The following TMEM117 variants were observed in gnomAD, a reference collection of about 807,000 sequenced individuals.
TMEM117 encodes the protein transmembrane protein 117.
TMEM117 carries 27 observed loss-of-function variants against 52.4 expected under a neutral mutation model. That is an observed-to-expected ratio of 0.51 (90% CI 0.38 to 0.71). TMEM117 has a LOEUF of 0.71. Ranked by LOEUF, TMEM117 falls within the 30% of genes least tolerant of loss-of-function variation. The probability of loss-of-function intolerance (pLI) is 0.00; values close to 1 mark genes in which losing one functional copy is unlikely to be tolerated. For missense variants in TMEM117, 556 were observed against 630.5 expected, an observed-to-expected ratio of 0.88 and a Z score of 1.26; for synonymous variants, 215 against 206.3, an observed-to-expected ratio of 1.04 and a Z score of -0.36.
At chr12:44,126,547 T>C (rs995722137) in intron 3 of TMEM117, among the ~76,000 whole-genome samples, 19 of 152,228 alleles carry the variant, frequency 1.2e-4, no homozygotes, top group Non-Finnish European at 4.4e-5. Flanking sequence ...TCAGAAATGG[T>C]TTCTGACCTT....
intron 4 of TMEM117, among the ~76,000 whole-genome samples, chr12:44,188,842 A>G (rs868803650): frequency 1.1e-4 from 17 of 152,020 alleles, no homozygotes; most frequent in South Asian, 4.2e-4. Context: ...TTTTCTTCCC[A>G]CTAGAATGTA....
At chr12:43,933,391 CAG>C (rs1944902913) in intron 2 of TMEM117, among the ~76,000 whole-genome samples, 1 of 151,516 alleles carries the variant, frequency 6.6e-6, no homozygotes, top group Admixed American at 6.6e-5. Flanking sequence ...TTAGTAGAGA[CAG>C]GGTTTCACCG....
At chr12:44,311,980 T>A (rs906172669) in intron 6 of TMEM117, among the ~76,000 whole-genome samples, 33 of 150,632 alleles carry the variant, frequency 2.2e-4, no homozygotes, top group Non-Finnish European at 3.5e-4. Flanking sequence ...TCCTCCTCTT[T>A]ACATGCCAGA....
At chr12:44,294,529 A>C (rs987680153) in intron 5 of TMEM117, among the ~76,000 whole-genome samples, 3 of 152,146 alleles carry the variant, frequency 2.0e-5, no homozygotes, top group Non-Finnish European at 4.4e-5. Flanking sequence ...ATTTGTTCTT[A>C]CCATGGATCT....
chr12:43,830,828 A>G, the TMEM117 span, among the ~76,000 whole-genome samples: 2 of 152,150 alleles, frequency 1.3e-5, no homozygotes, highest in Non-Finnish European at 2.9e-5. Context: ...CTAAAAGTGT[A>G]ACATTCATTT....
At chr12:43,860,426 A>G (rs1462003345) in intron 2 of TMEM117, among the ~76,000 whole-genome samples, 1 of 152,220 alleles carries the variant, frequency 6.6e-6, no homozygotes, top group Non-Finnish European at 1.5e-5. Context: ...TGGATAATAA[A>G]CAAATAAATC....
intron 4 of TMEM117, among the ~76,000 whole-genome samples, chr12:44,180,256 CATT>C (rs1051728616): frequency 4.6e-5 from 7 of 151,856 alleles, no homozygotes; most frequent in African/African-American, 7.2e-5. Context: ...TCATCATCAT[CATT>C]AATATTCCCT....
At chr12:43,910,153 A>C (rs1489476329) in intron 2 of TMEM117, among the ~76,000 whole-genome samples, 4 of 144,872 alleles carry the variant, frequency 2.8e-5, no homozygotes, top group Non-Finnish European at 6.1e-5. Flanking sequence ...ACCATGATCA[A>C]GTGGGCTTCA....
rs187550035 is a variant in TMEM117, at chr12:44,285,626, T to C, written c.609-13954T>C. 7.9e-5 allele frequency among the ~76,000 whole-genome samples: 12 copies of C among 152,346 alleles called. No homozygotes were observed. The East Asian group carries it at 2.3e-3, about 29-fold the overall frequency. On this transcript the variant is annotated intron_variant, in intron 5 of 7. Coordinates refer to ENST00000266534, the MANE Select transcript of TMEM117 (RefSeq NM_032256.3). ...CTTCCCTACTTCCTAAAGAGCAACG[T>C]TGACCTCATCAGCTGGGCTTCAGGG...
intron 2 of TMEM117, among the ~76,000 whole-genome samples, chr12:43,933,198 A>T (rs1410202200): frequency 6.6e-6 from 1 of 151,684 alleles, no homozygotes; most frequent in African/African-American, 2.4e-5. Flanking sequence ...TGGTAGTAAT[A>T]TTAACTTTTT....
chr12:44,152,319 A>AATT (rs1565850445), intron 4 of TMEM117, among the ~76,000 whole-genome samples: 1 of 104,908 alleles, frequency 9.5e-6, no homozygotes, highest in African/African-American at 4.4e-5. Context: ...TAATCATATC[A>AATT]TATAAATATA....
At chr12:44,201,773 A>G (rs1009845296) in intron 4 of TMEM117, among the ~76,000 whole-genome samples, 1 of 152,202 alleles carries the variant, frequency 6.6e-6, no homozygotes, top group Non-Finnish European at 1.5e-5. Flanking sequence ...GTTGTAGGCT[A>G]TATCGTTGTC....
At chr12:44,171,757 A>G (rs1036144705) in intron 4 of TMEM117, among the ~76,000 whole-genome samples, 1 of 152,186 alleles carries the variant, frequency 6.6e-6, no homozygotes, top group Non-Finnish European at 1.5e-5. Context: ...ACTGATTACC[A>G]TAATAGGAAA....
At chr12:44,233,263 C>T (rs1472626816) in intron 5 of TMEM117, among the ~76,000 whole-genome samples, 2 of 151,322 alleles carry the variant, frequency 1.3e-5, no homozygotes, top group East Asian at 3.9e-4. Context: ...AATGTTGTCT[C>T]CATTTCTAGT....
chr12:44,140,811 C>CTAT (rs1948560251), intron 3 of TMEM117, among the ~76,000 whole-genome samples: 1 of 152,032 alleles, frequency 6.6e-6, no homozygotes, highest in Non-Finnish European at 1.5e-5. Context: ...GTTCTGAACT[C>CTAT]TAATAGAGTC....
chr12:44,315,907 GT>G (rs1373326093), intron 6 of TMEM117, among the ~76,000 whole-genome samples: 2 of 151,740 alleles, frequency 1.3e-5, no homozygotes, highest in East Asian at 3.9e-4. Context: ...GTTCTTTTTT[GT>G]TTTCCATTTT....
chr12:44,354,320 C>A (rs972129177), intron 6 of TMEM117, among the ~76,000 whole-genome samples: 1 of 151,788 alleles, frequency 6.6e-6, no homozygotes, highest in Non-Finnish European at 1.5e-5. Context: ...CCAGAACTTC[C>A]GGCCAGCATC....
chr12:44,222,955 CTAT>C (rs1949808753), intron 5 of TMEM117, among the ~76,000 whole-genome samples: 1 of 151,228 alleles, frequency 6.6e-6, no homozygotes. Context: ...GGTGTTGAAA[CTAT>C]TTAATAGTAA....
At chr12:44,190,712 CA>C (rs1949340126) in intron 4 of TMEM117, among the ~76,000 whole-genome samples, 1 of 151,944 alleles carries the variant, frequency 6.6e-6, no homozygotes, top group Non-Finnish European at 1.5e-5. Context: ...CAGTTTCTGG[CA>C]CAACCATATC....
Sources: allele counts gnomAD v4.1 joint callset (sites outside exome capture counted in the v4.1 genomes callset), GRCh38; gene constraint gnomAD v4.1.1; transcripts MANE v1.5; gene names NCBI Gene and HGNC (gene_info 2026-07-23, HGNC 2026-07-21).